NBEA: variants seen among roughly 807,000 people sequenced by gnomAD.
The protein encoded by NBEA is lysosomal-trafficking regulator 2.
A neutral mutation model predicts 343.4 loss-of-function variants in NBEA; 44 were observed. The observed-to-expected ratio is 0.13, with a 90% CI of 0.10 to 0.16. NBEA has a LOEUF of 0.16. NBEA is among the 10% of genes least tolerant of loss of function. NBEA has a pLI of 1.00. For synonymous variants in NBEA, 1,175 were observed against 1,238.7 expected (o/e 0.95, Z 1.08); for missense variants, 2,555 against 3,631.3 (o/e 0.70, Z 7.62).
intron 34 of NBEA, among the ~76,000 whole-genome samples, chr13:35,235,130 G>C (rs994132644): frequency 1.3e-5 from 2 of 152,142 alleles, no homozygotes; most frequent in African/African-American, 2.4e-5. Flanking sequence ...TGGCATCATA[G>C]TTACGGATTC....
At chr13:35,133,827 T>G (rs983078582) in intron 17 of NBEA, among the ~76,000 whole-genome samples, 1 of 151,996 alleles carries the variant, frequency 6.6e-6, no homozygotes, top group African/African-American at 2.4e-5. Flanking sequence ...AATTTATGAT[T>G]ATTGGTTATC....
chr13:35,055,375 T>A (rs1024418499), intron 6 of NBEA, among the ~76,000 whole-genome samples: 6 of 151,680 alleles, frequency 4.0e-5, no homozygotes, highest in Admixed American at 3.9e-4. Flanking sequence ...ATGAACTCTT[T>A]CATTTATTCT....
chr13:35,399,060 T>A (rs1316314528), intron 38 of NBEA, among the ~76,000 whole-genome samples: 2 of 152,274 alleles, frequency 1.3e-5, no homozygotes, highest in African/African-American at 4.8e-5. Flanking sequence ...CATCTTGCAC[T>A]TTTACAGTAT....
intron 44 of NBEA, among the ~76,000 whole-genome samples, chr13:35,560,268 T>C (rs985777086): frequency 5.3e-5 from 8 of 152,086 alleles, no homozygotes; most frequent in African/African-American, 1.7e-4. Context: ...CCTGGTACCA[T>C]ACAACTTCAC....
chr13:35,006,413 T>C (rs1211792567), intron 1 of NBEA, among the ~76,000 whole-genome samples: 1 of 152,278 alleles, frequency 6.6e-6, no homozygotes, highest in Middle Eastern at 3.4e-3. Flanking sequence ...TCATTTATCC[T>C]TCTCCCAAAT....
At position 35,131,942 on chromosome 13, in the gene NBEA, C is replaced by T. The variant is rs563839099; in HGVS notation, c.2336+8368C>T. ...GAGTCAAAAAAGAAATCATAAAGAA[C>T]ATTAGACGTTAGTTAGAACTGAACG... On this transcript the variant is annotated intron_variant, in intron 17 of 58. Transcript: ENST00000379939. Among the ~76,000 whole-genome samples the T allele has an allele frequency of 2.6e-5, 4 of 152,210 alleles. No individual in the cohort carries two copies. In the East Asian group the frequency reaches 7.7e-4, roughly 29 times the overall value.
chr13:35,050,710 A>G (rs2063035416), intron 6 of NBEA, among the ~76,000 whole-genome samples: 1 of 152,042 alleles, frequency 6.6e-6, no homozygotes, highest in Admixed American at 6.6e-5. Flanking sequence ...GGATTAATAA[A>G]TATTTGCCTT....
chr13:35,172,275 ATTAT>A (rs1361475916), intron 26 of NBEA, among the ~76,000 whole-genome samples: 1 of 151,858 alleles, frequency 6.6e-6, no homozygotes, highest in Non-Finnish European at 1.5e-5. Context: ...TTTGTTTCGT[ATTAT>A]TTATTTAAAG....
intron 34 of NBEA, among the ~76,000 whole-genome samples, chr13:35,237,803 A>C (rs1230118503): frequency 6.6e-6 from 1 of 152,122 alleles, no homozygotes; most frequent in Non-Finnish European, 1.5e-5. Flanking sequence ...CATTTTTCTT[A>C]AGGCACACAT....
Position 35,475,135 on chromosome 13 carries a change from A to G in NBEA, c.6585+2599A>G. On this transcript the variant is annotated intron_variant, in intron 41 of 58. Transcript: ENST00000379939. ...CCACGTTTGTTTGGCAGCGTTTTCCAGAGCTGAGTGAGGTTTGCCTTGAAA... is the reference window on the plus strand; with the variant it reads ...CCACGTTTGTTTGGCAGCGTTTTCCGGAGCTGAGTGAGGTTTGCCTTGAAA... 6.2e-7 allele frequency: 1 copy of G among 1,614,148 alleles called. No homozygotes were observed. Among genetic ancestry groups the G allele is most frequent in the Non-Finnish European group, 8.5e-7 (1 of 1,180,026 alleles).
chr13:35,098,882 A>G (rs1213747505), intron 11 of NBEA, among the ~76,000 whole-genome samples: 2 of 151,992 alleles, frequency 1.3e-5, no homozygotes, highest in African/African-American at 4.8e-5. Context: ...TGCTGTATAC[A>G]CTGTCTCTCC....
intron 34 of NBEA, among the ~76,000 whole-genome samples, chr13:35,277,700 G>A (rs997505167): frequency 2.0e-5 from 3 of 148,058 alleles, no homozygotes; most frequent in South Asian, 2.2e-4. Context: ...AAGGAGCAGC[G>A]ACTTTGCCAA....
At chr13:35,448,897 T>G (rs1195004372) in intron 39 of NBEA, among the ~76,000 whole-genome samples, 3 of 152,140 alleles carry the variant, frequency 2.0e-5, no homozygotes, top group Admixed American at 6.5e-5. Context: ...TGCAGTTGAA[T>G]TATGTGTAAG....
rs939953841 is a variant in NBEA, at chr13:35,159,792, A to G, written c.3621A>G (p.Glu1207=). 4.3e-6 allele frequency: 7 copies of G among 1,612,326 alleles called. No homozygotes were observed. The highest frequency in any genetic ancestry group is 5.1e-6 in the Non-Finnish European group (6 of 1,179,238). Residue 1207 remains glutamate, a synonymous_variant, in exon 22 of 59, where the codon GAA becomes GAG. Coordinates refer to ENST00000379939, the MANE Select transcript of NBEA (RefSeq NM_001385012.1). ...TCTSSIIEEK[E]FKIHTTSDGM... ...CATCCAGTATAATAGAAGAAAAAGA[A>G]TTCAAAATCCATACAACTTCAGATG...
intron 1 of NBEA, among the ~76,000 whole-genome samples, chr13:34,990,137 G>A (rs989297789): frequency 1.3e-5 from 2 of 150,958 alleles, no homozygotes; most frequent in East Asian, 1.9e-4. Flanking sequence ...GCTTTTCTAG[G>A]CACATGGTGC....
chr13:35,633,394 G>T (rs1224136484), intron 49 of NBEA, among the ~76,000 whole-genome samples: 1 of 150,308 alleles, frequency 6.7e-6, no homozygotes, highest in South Asian at 2.2e-4. Context: ...GAGCCACCGC[G>T]CCCGGCCTAA....
chr13:35,629,046 T>G (rs1260601857), intron 49 of NBEA, among the ~76,000 whole-genome samples: 2 of 152,244 alleles, frequency 1.3e-5, no homozygotes, highest in East Asian at 3.8e-4. Context: ...GAAATGTTTA[T>G]AGCTAACAGT....
intron 1 of NBEA, among the ~76,000 whole-genome samples, chr13:35,027,649 C>G (rs1258732690): frequency 6.6e-6 from 1 of 151,874 alleles, no homozygotes; most frequent in Admixed American, 6.6e-5. Flanking sequence ...AACTTTTTAA[C>G]ATGATCTTTC....
intron 1 of NBEA, among the ~76,000 whole-genome samples, chr13:34,949,565 G>A (rs1334495508): frequency 2.6e-5 from 4 of 152,050 alleles, no homozygotes; most frequent in African/African-American, 7.2e-5. Flanking sequence ...CATTTTGGCC[G>A]ACCCAAGGAA....
Sources: allele counts gnomAD v4.1 joint callset (sites outside exome capture counted in the v4.1 genomes callset), GRCh38; gene constraint gnomAD v4.1.1; transcripts MANE v1.5; gene names NCBI Gene and HGNC (gene_info 2026-07-23, HGNC 2026-07-21).